The following LEPR variants were observed in gnomAD, a reference collection of about 807,000 sequenced individuals.
The protein encoded by LEPR is OB receptor.
A neutral mutation model predicts 114.7 loss-of-function variants in LEPR; 56 were observed. The ratio of observed to expected loss-of-function variants is 0.49; its 90% CI spans 0.39 to 0.61. The LOEUF is 0.61. Ranked by LOEUF, LEPR falls within the 20% of genes least tolerant of loss-of-function variation. LEPR has a pLI of 0.00. For synonymous variants in LEPR, 443 were observed against 461.4 expected, an observed-to-expected ratio of 0.96 and a Z score of 0.51; for missense variants, 1,202 against 1,352.9, an observed-to-expected ratio of 0.89 and a Z score of 1.75.
At chr1:65,456,729 A>C (rs982510805) in intron 2 of LEPR, among the ~76,000 whole-genome samples, 1 of 152,198 alleles carries the variant, frequency 6.6e-6, no homozygotes, top group Non-Finnish European at 1.5e-5. Flanking sequence ...TAGACAACAT[A>C]TACTTGGGTC....
intron 2 of LEPR, among the ~76,000 whole-genome samples, chr1:65,511,178 A>T (rs1225413983): frequency 6.6e-6 from 1 of 152,188 alleles, no homozygotes; most frequent in Admixed American, 6.5e-5. Flanking sequence ...ACATCTGCTT[A>T]AATACTTCCA....
chr1:65,555,451 A>G (rs1445726714), intron 2 of LEPR, among the ~76,000 whole-genome samples: 1 of 152,238 alleles, frequency 6.6e-6, no homozygotes, highest in Non-Finnish European at 1.5e-5. Flanking sequence ...AAGAATGGCC[A>G]CAGTAGACTC....
At position 65,420,696 on chromosome 1, in the gene LEPR, G is replaced by C; in HGVS notation, c.-141G>C. The C allele has an allele frequency of 6.3e-7, 1 of 1,575,174 alleles. No individual in the cohort carries two copies. The highest frequency in any genetic ancestry group is 8.6e-7 in the Non-Finnish European group (1 of 1,162,648). ...CTGCCCGGGCCGTGGCAGGAAGCCG[G>C]AAGCAGCCGCGGCCCCAGTTCGGGA... On this transcript the variant is annotated 5_prime_UTR_variant, in exon 1 of 20. Coordinates refer to ENST00000349533, the MANE Select transcript of LEPR (RefSeq NM_002303.6).
intron 19 of LEPR, 78 bp downstream of exon 19, chr1:65,623,059 C>T: frequency 7.3e-7 from 1 of 1,368,262 alleles, no homozygotes; most frequent in South Asian, 1.2e-5. Flanking sequence ...GAGCATTAAG[C>T]ATTTTTAAGA....
chr1:65,598,634 T>C (rs1288162012), intron 7 of LEPR, 26 bp from the exon 8 acceptor site: 5 of 1,611,776 alleles, frequency 3.1e-6, no homozygotes, highest in Admixed American at 3.3e-5. Flanking sequence ...CTTGATGTTC[T>C]GATGTTTTAA....
chr1:65,550,193 C>T (rs1263028335), intron 2 of LEPR, among the ~76,000 whole-genome samples: 1 of 152,110 alleles, frequency 6.6e-6, no homozygotes, highest in East Asian at 1.9e-4. Context: ...CAGAGGAGTA[C>T]CCGGCCGTGG....
chr1:65,428,386 C>G (rs7551385), intron 2 of LEPR, among the ~76,000 whole-genome samples: 44,644 of 152,038 alleles, frequency 0.29, 8,236 homozygotes, highest in Non-Finnish European at 0.41. Flanking sequence ...AAACCCCTTC[C>G]CCTCTCTGTG....
intron 2 of LEPR, among the ~76,000 whole-genome samples, chr1:65,485,520 C>T (rs961718853): frequency 2.0e-5 from 3 of 152,234 alleles, no homozygotes; most frequent in Admixed American, 2.0e-4. Flanking sequence ...TAGAGAGCAT[C>T]ACCATCACCT....
chr1:65,607,693 G>A (rs1656902918), intron 11 of LEPR, among the ~76,000 whole-genome samples: 1 of 152,010 alleles, frequency 6.6e-6, no homozygotes, highest in South Asian at 2.1e-4. Flanking sequence ...GTTATGCTTG[G>A]GCTTTCAGGC....
At chr1:65,617,835 A>T (rs1657624247) in intron 15 of LEPR, 129 bp from the exon 16 acceptor site, 1 of 881,208 alleles carries the variant, frequency 1.1e-6, no homozygotes, top group Non-Finnish European at 1.7e-6. Flanking sequence ...GTCATGTATC[A>T]TATTTATTTG....
rs1654086589 is a variant in LEPR, at chr1:65,570,603, T to G, written c.171T>G (p.Thr57=). The part of the protein sequence containing the change: ...FLLPAGLSKN[T]SNSNGHYETA... ...TGCCTGCTGGACTCTCAAAGAATAC[T>G]TCAAATTCGAATGGACATTATGAGA... Residue 57 remains threonine, a synonymous_variant, in exon 4 of 20, where the codon ACT becomes ACG. Coordinates refer to ENST00000349533, the MANE Select transcript of LEPR (RefSeq NM_002303.6). 6.2e-7 allele frequency: 1 copy of G among 1,614,006 alleles called. No homozygotes were observed. The highest frequency in any genetic ancestry group is 8.5e-7 in the Non-Finnish European group (1 of 1,179,938).
intron 2 of LEPR, among the ~76,000 whole-genome samples, chr1:65,546,985 A>G (rs1030710376): frequency 3.3e-5 from 5 of 152,340 alleles, no homozygotes; most frequent in Admixed American, 1.3e-4. Flanking sequence ...TGTCCCATGA[A>G]TACCTAATTT....
rs747467075 is a variant in LEPR, at chr1:65,572,290, GTTTT to G, written c.371-12_371-9del. 2.2e-3 allele frequency: 1,733 copies of G among 792,078 alleles called. No individual in the cohort carries two copies. The highest frequency in any genetic ancestry group is 6.0e-3 in the East Asian group (87 of 14,596). The allele number at this position is 792,078 out of a possible 1,614,324, so 49.1% of individuals were successfully genotyped here. On this transcript the variant is annotated intron_variant, in intron 4 of 19. Transcript: ENST00000349533. ...ATGGTTTTTGAGATTTCATGTAGTT[GTTTT>G]TTTTTTTTTTTTTTTTTTTTTTTAA...
At chr1:65,554,214 C>T (rs1036018229) in intron 2 of LEPR, among the ~76,000 whole-genome samples, 4 of 152,166 alleles carry the variant, frequency 2.6e-5, no homozygotes, top group Middle Eastern at 3.2e-3. Context: ...GCAGCCTGTC[C>T]TTTAGTAAAG....
intron 2 of LEPR, among the ~76,000 whole-genome samples, chr1:65,542,143 A>G (rs1651263856): frequency 6.6e-6 from 1 of 152,188 alleles, no homozygotes; most frequent in Non-Finnish European, 1.5e-5. Context: ...TATTATGCAA[A>G]TTAAATTACT....
At chr1:65,475,033 G>GAAA (rs1647140166) in intron 2 of LEPR, among the ~76,000 whole-genome samples, 1 of 103,508 alleles carries the variant, frequency 9.7e-6, no homozygotes, top group Admixed American at 1.0e-4. Context: ...AAAAAAAGTA[G>GAAA]CAAGAAAATA....
chr1:65,610,400 C>A, intron 14 of LEPR, 104 bp downstream of exon 14: 1 of 974,528 alleles, frequency 1.0e-6, no homozygotes, highest in Non-Finnish European at 1.5e-6. Flanking sequence ...GCTCAACAAT[C>A]CTGTATTTTC....
At chr1:65,537,112 G>C (rs1650832327) in intron 2 of LEPR, among the ~76,000 whole-genome samples, 1 of 152,162 alleles carries the variant, frequency 6.6e-6, no homozygotes, top group Admixed American at 6.5e-5. Flanking sequence ...GTGTTAAAAT[G>C]TTGTGAATCT....
chr1:65,556,977 G>A (rs1026867768), intron 2 of LEPR, among the ~76,000 whole-genome samples: 14 of 152,188 alleles, frequency 9.2e-5, no homozygotes, highest in Non-Finnish European at 1.5e-5. Context: ...TAACTGCTAT[G>A]TTGATAACTG....
Sources: allele counts gnomAD v4.1 joint callset (sites outside exome capture counted in the v4.1 genomes callset), GRCh38; gene constraint gnomAD v4.1.1; transcripts MANE v1.5; gene names NCBI Gene and HGNC (gene_info 2026-07-23, HGNC 2026-07-21).